OR9Q1: variants seen among roughly 807,000 people sequenced by gnomAD.
OR9Q1 encodes the protein olfactory receptor family 9 subfamily Q member 1.
For synonymous variants in OR9Q1, 153 were observed against 148.6 expected, an observed-to-expected ratio of 1.03 and a Z score of -0.22; for missense variants, 374 against 378.8, an observed-to-expected ratio of 0.99 and a Z score of 0.11.
At chr11:58,065,315 G>A (rs1272212507) in intron 2 of OR9Q1, among the ~76,000 whole-genome samples, 1 of 149,652 alleles carries the variant, frequency 6.7e-6, no homozygotes, top group African/African-American at 2.5e-5. Flanking sequence ...AGGCAGACAG[G>A]CAGATATCTG....
chr11:58,073,867 T>C (rs1184456938), intron 2 of OR9Q1, among the ~76,000 whole-genome samples: 1 of 152,222 alleles, frequency 6.6e-6, no homozygotes, highest in Non-Finnish European at 1.5e-5. Context: ...GTGTTCTCAT[T>C]GTTCAACACC....
chr11:58,168,866 A>G (rs1854529734), intron 2 of OR9Q1, among the ~76,000 whole-genome samples: 2 of 152,148 alleles, frequency 1.3e-5, no homozygotes, highest in Admixed American at 6.6e-5. Context: ...ACAGGTTTTA[A>G]TAAGTACATA....
intron 2 of OR9Q1, among the ~76,000 whole-genome samples, chr11:58,115,410 G>A (rs1017086159): frequency 4.6e-5 from 7 of 152,106 alleles, no homozygotes; most frequent in Admixed American, 6.6e-5. Flanking sequence ...CACTCATCTG[G>A]TATATGCATG....
intron 2 of OR9Q1, among the ~76,000 whole-genome samples, chr11:58,166,728 G>A (rs1056212745): frequency 6.6e-6 from 1 of 152,194 alleles, no homozygotes; most frequent in Non-Finnish European, 1.5e-5. Context: ...ACTGTGGACT[G>A]CGGGAAACAT....
intron 2 of OR9Q1, among the ~76,000 whole-genome samples, chr11:58,062,871 G>A (rs549416203): frequency 4.6e-5 from 7 of 152,316 alleles, no homozygotes; most frequent in African/African-American, 1.7e-4. Flanking sequence ...ATTCTAATTT[G>A]GAGGCTTGAG....
chr11:58,100,014 G>T (rs1853768431), intron 2 of OR9Q1, among the ~76,000 whole-genome samples: 1 of 152,104 alleles, frequency 6.6e-6, no homozygotes, highest in South Asian at 2.1e-4. Context: ...ATTAGATGGG[G>T]TGCCTTAGTT....
chr11:58,097,096 C>T (rs1396586017), intron 2 of OR9Q1, among the ~76,000 whole-genome samples: 1 of 152,176 alleles, frequency 6.6e-6, no homozygotes, highest in East Asian at 1.9e-4. Context: ...TCCATCTTGG[C>T]CTTCTAAAGT....
chr11:58,045,809 A>G (rs1853210763), intron 1 of OR9Q1, among the ~76,000 whole-genome samples: 1 of 152,118 alleles, frequency 6.6e-6, no homozygotes, highest in South Asian at 2.1e-4. Flanking sequence ...CCTCAGCACC[A>G]CTCTAGGGTT....
chr11:58,093,838 C>A (rs1433002892), intron 2 of OR9Q1, among the ~76,000 whole-genome samples: 3 of 148,772 alleles, frequency 2.0e-5, no homozygotes, highest in African/African-American at 7.4e-5. Flanking sequence ...TGCTTATACA[C>A]TATTAGTGTG....
At chr11:58,102,781 TC>T (rs2120089950) in intron 2 of OR9Q1, among the ~76,000 whole-genome samples, 1 of 152,270 alleles carries the variant, frequency 6.6e-6, no homozygotes, top group South Asian at 2.1e-4. Context: ...CTTTTAAAGT[TC>T]CTGGATCTGG....
intron 2 of OR9Q1, among the ~76,000 whole-genome samples, chr11:58,147,619 T>A (rs1854311076): frequency 6.6e-6 from 1 of 152,184 alleles, no homozygotes; most frequent in Non-Finnish European, 1.5e-5. Context: ...ATCCCCAGTA[T>A]TTTATGTTTA....
At chr11:58,080,892 T>C (rs1853581177) in intron 2 of OR9Q1, among the ~76,000 whole-genome samples, 1 of 152,228 alleles carries the variant, frequency 6.6e-6, no homozygotes, top group Non-Finnish European at 1.5e-5. Flanking sequence ...TAGGTATACA[T>C]GTGCCATGTT....
intron 1 of OR9Q1, among the ~76,000 whole-genome samples, chr11:58,048,679 A>AAAAAATATATAT (rs745596668): frequency 1.5e-5 from 2 of 131,432 alleles, no homozygotes; most frequent in East Asian, 5.2e-4. Context: ...TAAAAAAAAA[A>AAAAAATATATAT]ATATATATAT....
chr11:58,039,516 A>C (rs1853139233), intron 1 of OR9Q1, among the ~76,000 whole-genome samples: 2 of 152,230 alleles, frequency 1.3e-5, no homozygotes, highest in Non-Finnish European at 2.9e-5. Flanking sequence ...GAGCACTTTC[A>C]TTTAATCAGT....
intron 2 of OR9Q1, among the ~76,000 whole-genome samples, chr11:58,155,558 C>T (rs1854400240): frequency 6.6e-6 from 1 of 152,178 alleles, no homozygotes; most frequent in Non-Finnish European, 1.5e-5. Flanking sequence ...GGTCCTGGCC[C>T]TGCTTTCCAT....
At chr11:58,153,850 G>A (rs763394668) in intron 2 of OR9Q1, among the ~76,000 whole-genome samples, 9 of 152,156 alleles carry the variant, frequency 5.9e-5, no homozygotes, top group Non-Finnish European at 1.3e-4. Context: ...TTCAGCATAT[G>A]AGAAGAGCAG....
intron 1 of OR9Q1, chr11:58,040,562 T>C (rs1205648920): frequency 6.6e-6 from 1 of 152,228 alleles, no homozygotes; most frequent in African/African-American, 2.4e-5. Flanking sequence ...TGAGAGGCCA[T>C]AGAATGAATT....
intron 2 of OR9Q1, among the ~76,000 whole-genome samples, chr11:58,064,252 C>A (rs961051123): frequency 5.3e-5 from 8 of 152,274 alleles, no homozygotes; most frequent in Non-Finnish European, 4.4e-5. Flanking sequence ...AGCCGCAAAC[C>A]AGCACTAGTC....
chr11:58,128,576 A>G (rs1854111683), intron 2 of OR9Q1, among the ~76,000 whole-genome samples: 1 of 152,196 alleles, frequency 6.6e-6, no homozygotes, highest in South Asian at 2.1e-4. Flanking sequence ...CGCGTTATAA[A>G]GAAAATATAA....
Sources: allele counts gnomAD v4.1 joint callset (sites outside exome capture counted in the v4.1 genomes callset), GRCh38; gene constraint gnomAD v4.1.1; transcripts MANE v1.5; gene names NCBI Gene and HGNC (gene_info 2026-07-23, HGNC 2026-07-21).